Variants in CSMD1 observed in about 807,000 individuals in gnomAD.
The protein encoded by CSMD1 is CUB and Sushi multiple domains 1.
A neutral mutation model predicts 417.5 loss-of-function variants in CSMD1; 213 were observed. The observed-to-expected ratio is 0.51, with a 90% CI of 0.46 to 0.57. CSMD1 has a LOEUF of 0.57. CSMD1 is among the 20% of genes least tolerant of loss of function. CSMD1 has a pLI of 0.00. For missense variants in CSMD1, 6,923 were observed against 4,529.7 expected (o/e 1.53, Z -15.17); for synonymous variants, 2,862 against 1,736.8 (o/e 1.65, Z -16.11).
chr8:4,871,788 T>C (rs898832978), intron 1 of CSMD1, among the ~76,000 whole-genome samples: 1 of 152,118 alleles, frequency 6.6e-6, no homozygotes, highest in Admixed American at 6.5e-5. Flanking sequence ...TACATTTAGA[T>C]TGTACACTTT....
intron 2 of CSMD1, among the ~76,000 whole-genome samples, chr8:4,598,609 C>G (rs1800408107): frequency 6.6e-6 from 1 of 152,160 alleles, no homozygotes; most frequent in Non-Finnish European, 1.5e-5. Flanking sequence ...ACATTTGTTT[C>G]TATATTAAAT....
At chr8:3,628,423 G>A (rs961160068) in intron 7 of CSMD1, among the ~76,000 whole-genome samples, 11 of 152,210 alleles carry the variant, frequency 7.2e-5, no homozygotes, top group African/African-American at 2.7e-4. Context: ...AATAGGGCAA[G>A]GCTTCCATTA....
intron 12 of CSMD1, among the ~76,000 whole-genome samples, chr8:3,435,365 C>G (rs879517562): frequency 6.6e-6 from 1 of 152,146 alleles, no homozygotes; most frequent in Non-Finnish European, 1.5e-5. Flanking sequence ...CTCCATCAGC[C>G]CAGCCACCCA....
At chr8:3,544,971 G>C (rs1408103135) in intron 10 of CSMD1, among the ~76,000 whole-genome samples, 2 of 150,450 alleles carry the variant, frequency 1.3e-5, no homozygotes, top group East Asian at 1.9e-4. Flanking sequence ...GTGTCAACTT[G>C]ATCCTTCATT....
intron 2 of CSMD1, among the ~76,000 whole-genome samples, chr8:4,431,668 A>T (rs1797879127): frequency 6.6e-6 from 1 of 152,206 alleles, no homozygotes; most frequent in Non-Finnish European, 1.5e-5. Flanking sequence ...GGAAGAAAAG[A>T]TAGAGGAATG....
chr8:3,983,367 T>A (rs1276945146), intron 5 of CSMD1, among the ~76,000 whole-genome samples: 1 of 151,994 alleles, frequency 6.6e-6, no homozygotes, highest in Non-Finnish European at 1.5e-5. Flanking sequence ...CCTGACCTCG[T>A]GATCCCTCTT....
At chr8:4,001,181 T>G (rs76152837) in intron 4 of CSMD1, among the ~76,000 whole-genome samples, 1 of 152,180 alleles carries the variant, frequency 6.6e-6, no homozygotes, top group Non-Finnish European at 1.5e-5. Flanking sequence ...AGAATAAACA[T>G]AGAATACAAG....
intron 3 of CSMD1, among the ~76,000 whole-genome samples, chr8:4,350,629 C>G (rs1463589100): frequency 6.6e-6 from 1 of 152,136 alleles, no homozygotes; most frequent in African/African-American, 2.4e-5. Flanking sequence ...GGGCAATGGG[C>G]TAGAGAATTG....
intron 6 of CSMD1, among the ~76,000 whole-genome samples, chr8:3,752,252 T>C (rs912469782): frequency 6.6e-6 from 1 of 152,154 alleles, no homozygotes; most frequent in Non-Finnish European, 1.5e-5. Flanking sequence ...AATTTCACTC[T>C]AATAAAATTT....
Position 3,307,924 on chromosome 8 carries a change from T to C in CSMD1, c.3824-103A>G, listed in dbSNP as rs1219998763. 12 of 1,261,230 alleles carry C rather than the reference T, an allele frequency of 9.5e-6. No homozygotes were observed. The East Asian group carries it at 9.8e-5, about 10-fold the overall frequency. 78.1% of individuals were successfully genotyped at this position (1,261,230 alleles called of 1,614,324 possible). On this transcript the variant is annotated intron_variant, in intron 24 of 69. Coordinates refer to ENST00000635120, the MANE Select transcript of CSMD1 (RefSeq NM_033225.6). The stretch of plus-strand genomic sequence containing the variant: ...AGCCATTATGTCTGCATTATATACA[T>C]AGAGAAAAAGAATCACCATCATCTC...
chr8:4,206,604 G>C (rs11784219), intron 3 of CSMD1, among the ~76,000 whole-genome samples: 16,244 of 152,180 alleles, frequency 0.11, 1,203 homozygotes, highest in African/African-American at 0.2. Flanking sequence ...ATCTGGGTTG[G>C]TTCCAAGCTT....
chr8:4,844,509 C>T (rs1009075676), intron 1 of CSMD1, among the ~76,000 whole-genome samples: 13 of 152,150 alleles, frequency 8.5e-5, no homozygotes, highest in Admixed American at 8.5e-4. Flanking sequence ...TTGGCCGCGT[C>T]AAGGTCAGGA....
At position 3,865,217 on chromosome 8, in the gene CSMD1, A is replaced by G. The variant is rs180709480; in HGVS notation, c.819-111175T>C. Among the ~76,000 whole-genome samples the G allele has an allele frequency of 2.9e-3, 437 of 152,350 alleles. 1 individual carries two copies. Among genetic ancestry groups the G allele is most frequent in the African/African-American group, 5.1e-3 (211 of 41,578 alleles). On this transcript the variant is annotated intron_variant, in intron 5 of 69. Transcript: ENST00000635120. ...AACATCTTGGAAAATGACAGACATA[A>G]GTCATCATCTCTGTCCTCAACTACC...
chr8:4,668,550 C>T (rs548128336), intron 1 of CSMD1, among the ~76,000 whole-genome samples: 93 of 151,360 alleles, frequency 6.1e-4, no homozygotes, highest in Non-Finnish European at 1.0e-3. Flanking sequence ...CCCTGGTTCA[C>T]GCCATTCTCC....
rs781778357 is a variant in CSMD1 at position 3,476,488 on chromosome 8, T to C, written c.1449-7664A>G. ...TTCTGGGCCATATGATTGATGTATA[T>C]TTACTATCATATGAAACTACCAACC... On this transcript the variant is annotated intron_variant, in intron 11 of 69. Transcript: ENST00000635120. Among the ~76,000 whole-genome samples the C allele has an allele frequency of 7.9e-5, 12 of 152,134 alleles. 1 individual carries two copies. The highest frequency in any genetic ancestry group is 1.5e-4 in the Non-Finnish European group (10 of 68,026).
At chr8:3,885,278 G>A (rs997788773) in intron 5 of CSMD1, among the ~76,000 whole-genome samples, 1 of 152,078 alleles carries the variant, frequency 6.6e-6, no homozygotes, top group Non-Finnish European at 1.5e-5. Flanking sequence ...AGACAGGTGT[G>A]AGTTATAGAA....
At chr8:3,640,787 G>T (rs994117728) in intron 7 of CSMD1, among the ~76,000 whole-genome samples, 22 of 152,210 alleles carry the variant, frequency 1.4e-4, no homozygotes, top group African/African-American at 5.3e-4. Flanking sequence ...GTGTGGGGAA[G>T]AGACGGCCTC....
chr8:4,134,673 C>T (rs1803310389), intron 3 of CSMD1, among the ~76,000 whole-genome samples: 2 of 152,118 alleles, frequency 1.3e-5, no homozygotes, highest in Non-Finnish European at 2.9e-5. Context: ...TCAAATTTTC[C>T]ATCCCTACCG....
At chr8:3,008,969 A>T (rs1480345311) in intron 52 of CSMD1, among the ~76,000 whole-genome samples, 4 of 152,206 alleles carry the variant, frequency 2.6e-5, no homozygotes, top group Non-Finnish European at 5.9e-5. Flanking sequence ...GACCTGTGTG[A>T]TTTTGGAAAT....
Sources: allele counts gnomAD v4.1 joint callset (sites outside exome capture counted in the v4.1 genomes callset), GRCh38; gene constraint gnomAD v4.1.1; transcripts MANE v1.5; gene names NCBI Gene and HGNC (gene_info 2026-07-23, HGNC 2026-07-21).